The following GMEB1 variants were observed in gnomAD, a reference collection of about 807,000 sequenced individuals.
GMEB1 encodes the protein glucocorticoid modulatory element-binding protein 1.
GMEB1 carries 6 observed loss-of-function variants against 52.4 expected under a neutral mutation model. The observed-to-expected ratio is 0.11, with a 90% confidence interval of 0.06 to 0.23. GMEB1 has a LOEUF of 0.23. Among genes scored for constraint, GMEB1 ranks in the 10% least tolerant of loss-of-function variants. The pLI, the probability that GMEB1 is intolerant of heterozygous loss-of-function variation, is 1.00. For missense variants in GMEB1, 486 were observed against 685.6 expected (o/e 0.71, Z 3.25); for synonymous variants, 255 against 244.9 (o/e 1.04, Z -0.38).
At position 28,697,162 on chromosome 1, in the gene GMEB1, CATATATATATATATATATATATATATAT is replaced by C. The variant is rs71586855; in HGVS notation, c.598+89_598+116del. 6.0e-4 allele frequency: 90 copies of C among 149,102 alleles called. 16 individuals are homozygous for C. Among genetic ancestry groups the C allele is most frequent in the Middle Eastern group, 5.2e-3 (2 of 388 alleles). The allele number at this position is 149,102 out of a possible 1,614,324, so 9.2% of individuals were successfully genotyped here. A position where few individuals can be genotyped will look rare whatever the true frequency, so the allele number is the denominator to read the frequency against. ...CCCCCTTATTTCTCCCTTGTGTGTA[CATATATATATATATATATATATATATAT>C]ATATATATATGTATTTTTTTATTTT... On this transcript the variant is annotated intron_variant, in intron 6 of 9. Transcript: ENST00000373816.
intron 6 of GMEB1, 91 bp from the exon 7 acceptor site, chr1:28,702,347 A>G: frequency 1.1e-6 from 1 of 950,570 alleles, no homozygotes; most frequent in Non-Finnish European, 1.6e-6. Context: ...TTAAAATAAC[A>G]AGGTCTTTGT....
chr1:28,704,602 A>G (rs952920009), intron 8 of GMEB1, among the ~76,000 whole-genome samples: 1 of 152,090 alleles, frequency 6.6e-6, no homozygotes. Flanking sequence ...TGTCTCCACA[A>G]AAAAAATTTT....
rs183277911 is a variant in GMEB1, at chr1:28,716,996, T to C, written c.*2223T>C. 11 of 151,976 alleles carry C rather than the reference T, an allele frequency of 7.2e-5. No individual in the cohort carries two copies. The highest frequency in any genetic ancestry group is 2.7e-4 in the African/African-American group (11 of 41,476). The allele number at this position is 151,976 out of a possible 1,614,324, so 9.4% of individuals were successfully genotyped here. A position where few individuals can be genotyped will look rare whatever the true frequency, so the allele number is the denominator to read the frequency against. On this transcript the variant is annotated 3_prime_UTR_variant, in exon 10 of 10. Transcript: ENST00000373816. ...ACACACCTTAAGAGTGGGAGGAATA[T>C]TTTTATTAAAAACAAAACTTGGACC...
At chr1:28,680,419 G>A (rs1669340797) in intron 1 of GMEB1, among the ~76,000 whole-genome samples, 1 of 152,026 alleles carries the variant, frequency 6.6e-6, no homozygotes, top group African/African-American at 2.4e-5. Flanking sequence ...CACTGTGGTA[G>A]CCTTGGGGGA....
At position 28,691,569 on chromosome 1, in the gene GMEB1, T is replaced by G. The variant is rs1324523006; in HGVS notation, c.212-16T>G. The G allele has an allele frequency of 3.3e-6, 5 of 1,512,326 alleles. No homozygotes were observed. Among genetic ancestry groups the G allele is most frequent in the Non-Finnish European group, 4.5e-6 (5 of 1,113,682 alleles). 93.7% of individuals were successfully genotyped at this position (1,512,326 alleles called of 1,614,324 possible). A position where few individuals can be genotyped will look rare whatever the true frequency, so the allele number is the denominator to read the frequency against. ...AGAGTTGTTTGATAAATAACTGATA[T>G]TTTTTCTGTTTTCAGATACAGGCAC... On this transcript the variant is annotated splice_polypyrimidine_tract_variant and intron_variant, in intron 3 of 9. Coordinates refer to ENST00000373816, the MANE Select transcript of GMEB1 (RefSeq NM_001319674.2).
intron 6 of GMEB1, among the ~76,000 whole-genome samples, 194 bp from the exon 7 acceptor site, chr1:28,702,244 A>G (rs1670551048): frequency 6.6e-6 from 1 of 152,182 alleles, no homozygotes; most frequent in Admixed American, 6.5e-5. Context: ...TTCCTTTGCA[A>G]GGCAGGTTTT....
At chr1:28,713,199 A>T (rs954915457) in intron 9 of GMEB1, among the ~76,000 whole-genome samples, 1 of 150,442 alleles carries the variant, frequency 6.6e-6, no homozygotes, top group African/African-American at 2.5e-5. Flanking sequence ...CTGGAGATCC[A>T]TGTGTTTTAG....
chr1:28,695,320 C>A (rs1362626310), intron 5 of GMEB1, among the ~76,000 whole-genome samples: 1 of 151,400 alleles, frequency 6.6e-6, no homozygotes, highest in East Asian at 2.0e-4. Flanking sequence ...GCAAACTGTA[C>A]CTCCTAGATT....
At chr1:28,706,990 T>TG (rs1557520741) in intron 8 of GMEB1, among the ~76,000 whole-genome samples, 1 of 130,530 alleles carries the variant, frequency 7.7e-6, no homozygotes, top group Non-Finnish European at 1.6e-5. Flanking sequence ...TTTTTTTTTT[T>TG]TTTTTTTTTT....
At chr1:28,701,882 A>G (rs1175247963) in intron 6 of GMEB1, among the ~76,000 whole-genome samples, 1 of 152,204 alleles carries the variant, frequency 6.6e-6, no homozygotes. Context: ...TACAAGTAAT[A>G]GCAAAGGGTA....
At chr1:28,693,146 C>T in intron 5 of GMEB1, 101 bp downstream of exon 5, 1 of 505,540 alleles carries the variant, frequency 2.0e-6, no homozygotes, top group Non-Finnish European at 3.5e-6. Flanking sequence ...TTTATTCTTT[C>T]TGAAGAATTG....
chr1:28,699,158 C>G (rs1342234533), intron 6 of GMEB1, among the ~76,000 whole-genome samples: 1 of 152,082 alleles, frequency 6.6e-6, no homozygotes, highest in African/African-American at 2.4e-5. Context: ...GGAGGGGCTC[C>G]TGATTACCAA....
In GMEB1 at chr1:28,708,897, C is replaced by T. The variant is rs543208507; in HGVS notation, c.869-1623C>T. ...CTGTAATCCCAGCACTTTGGGAGGC[C>T]GAGGCGGGCAGATCACAAGGTCAGG... On this transcript the variant is annotated intron_variant, in intron 8 of 9. Transcript: ENST00000373816. Among the ~76,000 whole-genome samples the T allele has an allele frequency of 3.7e-3, 561 of 151,748 alleles. 7 individuals are homozygous for T. Among genetic ancestry groups the T allele is most frequent in the African/African-American group, 0.013 (536 of 41,444 alleles).
intron 1 of GMEB1, among the ~76,000 whole-genome samples, chr1:28,681,375 AG>A (rs1282155500): frequency 1.3e-5 from 2 of 152,206 alleles, no homozygotes; most frequent in Non-Finnish European, 2.9e-5. Context: ...CTCAAAAAAA[AG>A]AAAATAGTTT....
chr1:28,670,607 C>T (rs989807599), intron 1 of GMEB1, among the ~76,000 whole-genome samples: 3 of 151,966 alleles, frequency 2.0e-5, no homozygotes, highest in Non-Finnish European at 2.9e-5. Context: ...GGATTACAGG[C>T]GTGAATCACT....
intron 3 of GMEB1, among the ~76,000 whole-genome samples, chr1:28,690,981 A>G (rs1042986584): frequency 6.6e-6 from 1 of 151,338 alleles, no homozygotes; most frequent in South Asian, 2.1e-4. Flanking sequence ...ACATCATCCT[A>G]AAAAAAATAA....
At chr1:28,703,103 T>C (rs1384367606) in intron 7 of GMEB1, among the ~76,000 whole-genome samples, 3 of 152,156 alleles carry the variant, frequency 2.0e-5, no homozygotes, top group Non-Finnish European at 4.4e-5. Flanking sequence ...GTGTCAGAGC[T>C]GAATTTAGCT....
intron 2 of GMEB1, among the ~76,000 whole-genome samples, chr1:28,689,130 C>T (rs1257964317): frequency 2.0e-5 from 3 of 151,850 alleles, no homozygotes; most frequent in Non-Finnish European, 2.9e-5. Flanking sequence ...CCTCGTGATC[C>T]GCCCGCTTTG....
chr1:28,687,636 C>T (rs1037713882), intron 2 of GMEB1, among the ~76,000 whole-genome samples: 1 of 151,884 alleles, frequency 6.6e-6, no homozygotes, highest in Non-Finnish European at 1.5e-5. Context: ...AGGAGGAAAT[C>T]ACATGATTAA....
Sources: allele counts gnomAD v4.1 joint callset (sites outside exome capture counted in the v4.1 genomes callset), GRCh38; gene constraint gnomAD v4.1.1; transcripts MANE v1.5; gene names NCBI Gene and HGNC (gene_info 2026-07-23, HGNC 2026-07-21).